The following QRICH2 variants were observed in gnomAD, a reference collection of about 807,000 sequenced individuals.
The protein encoded by QRICH2 is glutamine rich 2, also known as glutamine-rich protein 2.
A neutral mutation model predicts 168.3 loss-of-function variants in QRICH2; 119 were observed. The observed-to-expected ratio is 0.71, with a 90% CI of 0.61 to 0.82. The LOEUF (loss-of-function observed/expected upper bound fraction) is 0.82, where lower values mean the gene tolerates loss of function less well. QRICH2 is among the 40% of genes least tolerant of loss of function. QRICH2 has a pLI of 0.00. For missense variants in QRICH2, 2,241 were observed against 2,491.6 expected, an observed-to-expected ratio of 0.90 and a Z score of 2.14; for synonymous variants, 894 against 951.2, an observed-to-expected ratio of 0.94 and a Z score of 1.11.
chr17:76,304,807 C>T, intron 2 of QRICH2, 75 bp downstream of exon 2: 1 of 1,073,282 alleles, frequency 9.3e-7, no homozygotes, highest in Admixed American at 1.7e-5. Context: ...GATGGACAAG[C>T]CCTGGAGAGA....
intron 4 of QRICH2, among the ~76,000 whole-genome samples, chr17:76,290,607 G>A (rs973743359): frequency 1.3e-5 from 2 of 151,754 alleles, no homozygotes; most frequent in Admixed American, 6.6e-5. Context: ...GGCTGGTCTC[G>A]AACTCGGCCT....
Position 76,305,165 on chromosome 17 carries a change from C to CTTTTTTT in QRICH2, c.535-231_535-225dup, listed in dbSNP as rs371179936. Among the ~76,000 whole-genome samples the CTTTTTTT allele has an allele frequency of 9.2e-4, 119 of 129,994 alleles. 4 individuals carry two copies. Among genetic ancestry groups the CTTTTTTT allele is most frequent in the African/African-American group, 3.0e-3 (99 of 32,568 alleles). The allele number at this position is 129,994 out of a possible 152,430, so 85.3% of individuals were successfully genotyped here. On this transcript the variant is annotated intron_variant, in intron 1 of 18. Transcript: ENST00000680821. ...CTTCTACTTGGGTTTTTTTGGTTTC[C>CTTTTTTT]TTTTTTTTTTTTTTTTGAGACAGGG...
At chr17:76,305,773 G>A (rs1406220819) in intron 1 of QRICH2, among the ~76,000 whole-genome samples, 1 of 152,138 alleles carries the variant, frequency 6.6e-6, no homozygotes, top group Non-Finnish European at 1.5e-5. Flanking sequence ...AACATAAGGT[G>A]CTATCATATT....
intron 3 of QRICH2, among the ~76,000 whole-genome samples, chr17:76,300,563 C>T (rs968914512): frequency 6.6e-6 from 1 of 152,096 alleles, no homozygotes; most frequent in African/African-American, 2.4e-5. Context: ...GGGTGTTAAC[C>T]TCCATTATGG....
In QRICH2 at chr17:76,291,307, A is replaced by G. The variant is rs777855859; in HGVS notation, c.3420T>C (p.His1140=). ...DPNRTRASDR[H]GIPAQKAPGQ... ...CTGGGGCCTTCTGGGCAGGAATTCC[A>G]TGTCGGTCCGAGGCTCGTGTTCTAT... Residue 1140 remains histidine, a synonymous_variant, in exon 4 of 19, where the codon CAT becomes CAC. Coordinates refer to ENST00000680821, the MANE Select transcript of QRICH2 (RefSeq NM_001388453.1). 1 of 1,614,108 alleles carries G rather than the reference A, an allele frequency of 6.2e-7. No individual in the cohort carries two copies. The highest frequency in any genetic ancestry group is 8.5e-7 in the Non-Finnish European group (1 of 1,180,014).
At chr17:76,309,819 A>C (rs1182538568), upstream of QRICH2, 1 of 152,212 alleles carries the variant, frequency 6.6e-6, no homozygotes, top group Non-Finnish European at 1.5e-5. Flanking sequence ...TCACCCATGG[A>C]TTGTAAGGAA....
chr17:76,281,850 G>T lies in QRICH2; in HGVS notation c.4263+14C>A. On this transcript the variant is annotated intron_variant, in intron 8 of 18. Coordinates refer to ENST00000680821, the MANE Select transcript of QRICH2 (RefSeq NM_001388453.1). This position sits in a 1 kb window ranked among gnomAD's most constrained non-coding sequence, Gnocchi z 4.4. Reference sequence around the variant, plus strand: ...TGTCCAGTTGCAGCAGGAGGGAGGCGAGCAGAGCCCCACCTGTCTCTGGAG... The same window carrying T: ...TGTCCAGTTGCAGCAGGAGGGAGGCTAGCAGAGCCCCACCTGTCTCTGGAG... The T allele has an allele frequency of 6.2e-7, 1 of 1,608,272 alleles. No homozygotes were observed. The highest frequency in any genetic ancestry group is 1.1e-5 in the South Asian group (1 of 90,874).
chr17:76,300,650 T>A (rs768268076), intron 3 of QRICH2, among the ~76,000 whole-genome samples: 3 of 152,150 alleles, frequency 2.0e-5, no homozygotes, highest in Non-Finnish European at 4.4e-5. Flanking sequence ...GGATTGAGAC[T>A]GGGTGCAGTG....
chr17:76,283,861 C>T lies in QRICH2; in HGVS notation c.4012-1746G>A, dbSNP rs532577274. On this transcript the variant is annotated intron_variant, in intron 7 of 18. Coordinates refer to ENST00000680821, the MANE Select transcript of QRICH2 (RefSeq NM_001388453.1). ...TGGACTCCAGCCTGGGCAACAAGAG[C>T]GAAACTCTGTCTCAAAAAAAAAAGC... 4.5e-5 allele frequency among the ~76,000 whole-genome samples: 5 copies of T among 109,974 alleles called. 1 individual carries two copies. Among genetic ancestry groups the T allele is most frequent in the Admixed American group, 2.8e-4 (3 of 10,878 alleles). 72.1% of individuals were successfully genotyped at this position (109,974 alleles called of 152,430 possible).
intron 3 of QRICH2, among the ~76,000 whole-genome samples, chr17:76,297,477 G>A (rs891629207): frequency 7.3e-5 from 11 of 151,652 alleles, no homozygotes; most frequent in African/African-American, 2.7e-4. Flanking sequence ...ACTGCACTCC[G>A]GCCTGGGCGA....
chr17:76,297,873 T>TTTTTGTTTTTTTG (rs2070824761), intron 3 of QRICH2, among the ~76,000 whole-genome samples: 1 of 59,550 alleles, frequency 1.7e-5, no homozygotes, highest in African/African-American at 2.5e-4. Context: ...GGAATCTGTT[T>TTTTTGTTTTTTTG]TTTTTTTTTT....
At chr17:76,282,645 GT>G (rs2070811110) in intron 7 of QRICH2, among the ~76,000 whole-genome samples, 1 of 152,206 alleles carries the variant, frequency 6.6e-6, no homozygotes, top group Admixed American at 6.5e-5. Context: ...AGGCTGGGCG[GT>G]GCAAACCCCT....
chr17:76,300,032 A>G lies in QRICH2; in HGVS notation c.705+4383T>C, dbSNP rs149903771. Among the ~76,000 whole-genome samples, 49 of 152,028 alleles carry G rather than the reference A, an allele frequency of 3.2e-4. No individual in the cohort carries two copies. In the East Asian group the frequency reaches 8.6e-3, roughly 27 times the overall value. Reference sequence around the variant, plus strand: ...TTTTTAGTAGAGACGGGGTTTCACCATGTTGGTCAGGATGGTCTCGATCTC... The same window carrying G: ...TTTTTAGTAGAGACGGGGTTTCACCGTGTTGGTCAGGATGGTCTCGATCTC... On this transcript the variant is annotated intron_variant, in intron 3 of 18. Transcript: ENST00000680821.
Position 76,287,917 on chromosome 17 carries a change from G to C in QRICH2, c.3799-20C>G, listed in dbSNP as rs996240370. 1 of 1,601,798 alleles carries C rather than the reference G, an allele frequency of 6.2e-7. No individual in the cohort carries two copies. The highest frequency in any genetic ancestry group is 8.6e-7 in the Non-Finnish European group (1 of 1,168,816). Reference sequence around the variant, plus strand: ...TTCCACCTACAAACCCAGTGAATGAGGAGGGTCAGGCAGGCCTGAGCTCCC... The same window carrying C: ...TTCCACCTACAAACCCAGTGAATGACGAGGGTCAGGCAGGCCTGAGCTCCC... On this transcript the variant is annotated intron_variant, in intron 5 of 18. Transcript: ENST00000680821.
rs571866238 is a variant in QRICH2 at position 76,287,727 on chromosome 17, T to C, written c.3896+73A>G. 9 of 1,120,946 alleles carry C rather than the reference T, an allele frequency of 8.0e-6. No individual in the cohort carries two copies. In the South Asian group the frequency reaches 8.6e-5, roughly 11 times the overall value. The allele number at this position is 1,120,946 out of a possible 1,614,324, so 69.4% of individuals were successfully genotyped here. On this transcript the variant is annotated intron_variant, in intron 6 of 18. Coordinates refer to ENST00000680821, the MANE Select transcript of QRICH2 (RefSeq NM_001388453.1). ...CCATTCAGGGGCATAAGGGAGCCAC[T>C]GGCCGCCATCACCTCCTTGGCTGAG...
At position 76,280,905 on chromosome 17, in the gene QRICH2, C is replaced by T. The variant is rs2070776817; in HGVS notation, c.4312G>A (p.Gly1438Ser). 6.2e-7 allele frequency: 1 copy of T among 1,612,806 alleles called. No individual in the cohort carries two copies. Among genetic ancestry groups the T allele is most frequent in the Non-Finnish European group, 8.5e-7 (1 of 1,180,018 alleles). The change falls in exon 9 of 19, where the codon GGT (glycine) becomes AGT (serine). Residue 1438 changes from glycine (G) to serine (S), a missense_variant. Coordinates refer to ENST00000680821, the MANE Select transcript of QRICH2 (RefSeq NM_001388453.1). The surrounding 1 kb of genome is among the most constrained non-coding windows in gnomAD (Gnocchi z 7.4). ...GTGATGTTGAGCTTCTCGCAGTCAC[C>T]CTGCACCTGCAGGATGGCACTCTGC... ...RVQSAILQVQGDCEKLNITTS... is the reference protein window; with the variant it reads ...RVQSAILQVQSDCEKLNITTS...
intron 3 of QRICH2, among the ~76,000 whole-genome samples, chr17:76,298,678 C>T (rs1351919914): frequency 3.3e-5 from 5 of 151,808 alleles, no homozygotes; most frequent in Non-Finnish European, 5.9e-5. Flanking sequence ...TTCAGTGGCG[C>T]GATCTCGGCT....
intron 3 of QRICH2, among the ~76,000 whole-genome samples, chr17:76,297,658 A>G (rs1568123452): frequency 6.6e-6 from 1 of 152,168 alleles, no homozygotes; most frequent in Non-Finnish European, 1.5e-5. Flanking sequence ...CCAACTCAAC[A>G]CTGGCATATG....
chr17:76,308,490 G>C, upstream of QRICH2: 1 of 985,270 alleles, frequency 1.0e-6, no homozygotes, highest in South Asian at 4.7e-5. Context: ...GGCCACATAA[G>C]GAAAGACTTG....
Sources: allele counts gnomAD v4.1 joint callset (sites outside exome capture counted in the v4.1 genomes callset), GRCh38; gene constraint gnomAD v4.1.1; non-coding constraint Gnocchi (gnomAD v3.1); transcripts MANE v1.5; gene names NCBI Gene and HGNC (gene_info 2026-07-23, HGNC 2026-07-21).